TENM4: variants seen among roughly 807,000 people sequenced by gnomAD.
TENM4 encodes teneurin-4.
Under a neutral mutation model 243.3 loss-of-function variants are expected in TENM4, and 82 were observed. The observed-to-expected ratio is 0.34, with a 90% CI of 0.28 to 0.40. The LOEUF (loss-of-function observed/expected upper bound fraction) is 0.40. TENM4 is among the 10% of genes least tolerant of loss of function. The pLI is 1.00. For missense variants in TENM4, 3,138 were observed against 3,673.3 expected (o/e 0.85, Z 3.77); for synonymous variants, 1,412 against 1,456.3 (o/e 0.97, Z 0.69).
chr11:78,964,725 C>G (rs1857403607), intron 6 of TENM4, among the ~76,000 whole-genome samples: 1 of 152,136 alleles, frequency 6.6e-6, no homozygotes, highest in Admixed American at 6.5e-5. Flanking sequence ...CTGTATCTGT[C>G]TCCTACATGA....
chr11:79,050,113 G>T (rs1400559108), intron 6 of TENM4, among the ~76,000 whole-genome samples: 1 of 152,200 alleles, frequency 6.6e-6, no homozygotes, highest in African/African-American at 2.4e-5. Flanking sequence ...AGGTGCCCTG[G>T]ACTGGGGAGA....
At chr11:79,303,092 G>A (rs1317081956) in intron 1 of TENM4, among the ~76,000 whole-genome samples, 1 of 152,176 alleles carries the variant, frequency 6.6e-6, no homozygotes, top group African/African-American at 2.4e-5. Flanking sequence ...AAGACCAATA[G>A]GCAGTAAATG....
chr11:78,989,989 G>A (rs180947939), intron 6 of TENM4, among the ~76,000 whole-genome samples: 7 of 151,952 alleles, frequency 4.6e-5, no homozygotes, highest in Non-Finnish European at 7.4e-5. Context: ...ACCTGAGCCC[G>A]GGGAAGTCGA....
At chr11:79,078,402 C>T (rs1251451054) in intron 4 of TENM4, among the ~76,000 whole-genome samples, 1 of 151,988 alleles carries the variant, frequency 6.6e-6, no homozygotes, top group African/African-American at 2.4e-5. Flanking sequence ...TTTTCTTATT[C>T]CTTCAAAGTG....
At chr11:79,117,847 G>A (rs2137122314) in intron 4 of TENM4, among the ~76,000 whole-genome samples, 1 of 152,296 alleles carries the variant, frequency 6.6e-6, no homozygotes, top group South Asian at 2.1e-4. Flanking sequence ...AAGGTTGAAT[G>A]GAATAACTCC....
chr11:79,418,689 C>T (rs1056216843), intron 1 of TENM4, among the ~76,000 whole-genome samples: 25 of 152,248 alleles, frequency 1.6e-4, no homozygotes, highest in African/African-American at 5.5e-4. Context: ...TTAGTTCATG[C>T]TTCACCTCTT....
chr11:79,391,705 A>G (rs1174847564), intron 1 of TENM4, among the ~76,000 whole-genome samples: 1 of 152,192 alleles, frequency 6.6e-6, no homozygotes, highest in Non-Finnish European at 1.5e-5. Context: ...TGCTGCAGAG[A>G]AATTAATGGC....
chr11:78,685,688 C>T (rs369916707), intron 29 of TENM4, among the ~76,000 whole-genome samples: 9 of 152,230 alleles, frequency 5.9e-5, no homozygotes, highest in South Asian at 2.1e-4. Flanking sequence ...TACTCACAGC[C>T]AGTTTAGCAG....
intron 4 of TENM4, among the ~76,000 whole-genome samples, chr11:79,126,726 G>A (rs1009760168): frequency 6.6e-6 from 1 of 152,162 alleles, no homozygotes; most frequent in African/African-American, 2.4e-5. Flanking sequence ...TTCCAGACTT[G>A]TGCCAGTTTA....
intron 3 of TENM4, among the ~76,000 whole-genome samples, chr11:79,192,132 G>A (rs1320083421): frequency 6.7e-5 from 10 of 149,818 alleles, no homozygotes; most frequent in Non-Finnish European, 9.0e-5. Context: ...CGCCCCGTCC[G>A]GGAGGGAGGT....
chr11:78,866,537 A>T (rs1487091014), intron 9 of TENM4, among the ~76,000 whole-genome samples: 1 of 150,194 alleles, frequency 6.7e-6, no homozygotes, highest in South Asian at 2.1e-4. Flanking sequence ...GGTGAAAATG[A>T]TCAACAGGTC....
chr11:79,163,302 C>A (rs144301834), intron 3 of TENM4, among the ~76,000 whole-genome samples: 15 of 152,178 alleles, frequency 9.9e-5, no homozygotes, highest in African/African-American at 3.6e-4. Context: ...CATAAAAATC[C>A]TATGCTGTAA....
At chr11:79,016,026 A>G (rs571130249) in intron 6 of TENM4, among the ~76,000 whole-genome samples, 3 of 152,270 alleles carry the variant, frequency 2.0e-5, no homozygotes, top group East Asian at 1.9e-4. Context: ...AGACCAAGGT[A>G]CTGAGAGTGT....
chr11:78,915,940 C>T lies in TENM4; in HGVS notation c.494-12417G>A, dbSNP rs193029678. Among the ~76,000 whole-genome samples, 21 of 152,296 alleles carry T rather than the reference C, an allele frequency of 1.4e-4. No individual in the cohort carries two copies. In the East Asian group the frequency reaches 3.7e-3, roughly 27 times the overall value. ...GAAAGGGACAGGTTGGCTAAAAGGT[C>T]GCTAGAACGCACAGAGCAGTATTGC... On this transcript the variant is annotated intron_variant, in intron 6 of 33. Coordinates refer to ENST00000278550, the MANE Select transcript of TENM4 (RefSeq NM_001098816.3).
intron 7 of TENM4, among the ~76,000 whole-genome samples, chr11:78,901,676 C>T (rs10466739): frequency 0.5 from 76,516 of 151,918 alleles, 23,380 homozygotes; most frequent in East Asian, 0.78. Flanking sequence ...CAGTCATGTT[C>T]GGTCTTTCAA....
At chr11:79,380,693 C>T (rs751423217) in intron 1 of TENM4, among the ~76,000 whole-genome samples, 11 of 152,156 alleles carry the variant, frequency 7.2e-5, no homozygotes, top group South Asian at 2.1e-4. Flanking sequence ...AATCACAGAA[C>T]GCTTTTGTAG....
chr11:79,152,779 T>C (rs769444773), intron 3 of TENM4, among the ~76,000 whole-genome samples: 8 of 152,216 alleles, frequency 5.3e-5, no homozygotes, highest in Non-Finnish European at 1.2e-4. Context: ...GAAGCATGAC[T>C]TCCTGGACAT....
In TENM4 at chr11:78,807,398, G is replaced by T. The variant is rs142436629; in HGVS notation, c.1979-1906C>A. Among the ~76,000 whole-genome samples the T allele has an allele frequency of 1.2e-3, 177 of 152,224 alleles. 1 individual carries two copies. The highest frequency in any genetic ancestry group is 4.0e-3 in the African/African-American group (168 of 41,544). On this transcript the variant is annotated intron_variant, in intron 14 of 33. Coordinates refer to ENST00000278550, the MANE Select transcript of TENM4 (RefSeq NM_001098816.3). ...TCCTGAGGCCAATATTTCTATCAGG[G>T]GCTGACTTTCCCTAATCAAAGCTTT...
chr11:78,829,177 C>T (rs541968), intron 12 of TENM4, among the ~76,000 whole-genome samples: 6 of 152,040 alleles, frequency 3.9e-5, no homozygotes, highest in Admixed American at 3.9e-4. Context: ...GTGTGACCCA[C>T]GTGTGGCCAG....
Sources: gnomAD v4.1 joint callset for allele counts (sites outside exome capture counted in the v4.1 genomes callset) on GRCh38, gnomAD v4.1.1 for gene constraint, MANE v1.5 for transcripts, NCBI Gene and HGNC (gene_info 2026-07-23, HGNC 2026-07-21) for gene names.